Variants in ATP11C observed in about 807,000 individuals in gnomAD.
ATP11C encodes the protein phospholipid-transporting ATPase IG.
In ATP11C, 36 loss-of-function variants were observed where a neutral mutation model predicts 97.4. The observed-to-expected ratio is 0.37, with a 90% CI of 0.28 to 0.49. ATP11C has a LOEUF of 0.49. ATP11C is among the 20% of genes least tolerant of loss of function. The probability of loss-of-function intolerance (pLI) is 0.98; values close to 1 mark genes in which losing one functional copy is unlikely to be tolerated. For missense variants in ATP11C, 730 were observed against 824.6 expected (o/e 0.89, Z 1.40); for synonymous variants, 275 against 290.9 (o/e 0.95, Z 0.56).
At chrX:139,896,449 T>C (rs1231675351) in intron 1 of ATP11C, among the ~76,000 whole-genome samples, 1 of 110,105 alleles carries the variant, frequency 9.1e-6, no homozygotes, top group Non-Finnish European at 1.9e-5. Flanking sequence ...GATGACTAAA[T>C]ATGATGTGGT....
intron 24 of ATP11C, 60 bp downstream of exon 24, chrX:139,749,965 A>G: frequency 9.2e-7 from 1 of 1,084,208 alleles, no homozygotes; most frequent in East Asian, 3.0e-5. Flanking sequence ...CCATCTGCAG[A>G]TAAAATGAAA....
intron 2 of ATP11C, among the ~76,000 whole-genome samples, chrX:139,820,905 C>T (rs989148903): frequency 1.2e-4 from 13 of 110,994 alleles, no homozygotes; most frequent in Non-Finnish European, 2.3e-4. Flanking sequence ...TGACAGTTGG[C>T]CTAAGAGTTC....
At chrX:139,794,314 C>T (rs1245105771) in intron 12 of ATP11C, among the ~76,000 whole-genome samples, 1 of 112,245 alleles carries the variant, frequency 8.9e-6, no homozygotes, top group Non-Finnish European at 1.9e-5. Context: ...TAAAAAGTTA[C>T]ACAGATCTTA....
At chrX:139,765,104 A>G (rs1421170920) in intron 20 of ATP11C, among the ~76,000 whole-genome samples, 1 of 111,279 alleles carries the variant, frequency 9.0e-6, no homozygotes, top group Non-Finnish European at 1.9e-5. Flanking sequence ...CTGTAGAAAG[A>G]TAAAAGGATA....
chrX:139,741,214 A>T lies in ATP11C; in HGVS notation c.3031-120T>A, dbSNP rs1221435335. 1.9e-4 allele frequency: 91 copies of T among 477,128 alleles called. No homozygotes were observed. The South Asian group carries it at 2.4e-3, about 13-fold the overall frequency. 39.3% of individuals were successfully genotyped at this position (477,128 alleles called of 1,213,427 possible). A position where few individuals can be genotyped will look rare whatever the true frequency, so the allele number is the denominator to read the frequency against. ...TGAAAGGATCTAGCTTGGGCCAGGGATCCAGAGAAGAGGGGAACTAAACAG... is the reference window on the plus strand; with the variant it reads ...TGAAAGGATCTAGCTTGGGCCAGGGTTCCAGAGAAGAGGGGAACTAAACAG... On this transcript the variant is annotated intron_variant, in intron 26 of 29. Coordinates refer to ENST00000682941, the MANE Select transcript of ATP11C (RefSeq NM_001353812.2).
intron 1 of ATP11C, among the ~76,000 whole-genome samples, chrX:139,885,813 C>A (rs2084631918): frequency 9.0e-6 from 1 of 110,884 alleles, no homozygotes; most frequent in Admixed American, 9.7e-5. Flanking sequence ...ACAACAGCAA[C>A]AACAACTCAG....
At chrX:139,855,414 G>A (rs2084073349) in intron 1 of ATP11C, among the ~76,000 whole-genome samples, 2 of 111,340 alleles carry the variant, frequency 1.8e-5, no homozygotes, top group South Asian at 3.8e-4. Flanking sequence ...CTCATCAAAG[G>A]GTGAAAAGAA....
At chrX:139,817,509 C>T (rs1394290532) in intron 3 of ATP11C, among the ~76,000 whole-genome samples, 1 of 112,515 alleles carries the variant, frequency 8.9e-6, no homozygotes, top group African/African-American at 3.2e-5. Flanking sequence ...CTGTGCAGGG[C>T]CCTCTAGGCC....
At chrX:139,795,579 T>C (rs1440798986) in intron 12 of ATP11C, among the ~76,000 whole-genome samples, 2 of 111,295 alleles carry the variant, frequency 1.8e-5, no homozygotes, top group Admixed American at 1.9e-4. Flanking sequence ...GATCATTACA[T>C]GACACAGAGT....
At position 139,796,338 on chromosome X, in the gene ATP11C, A is replaced by G. The variant is rs758709585; in HGVS notation, c.1141T>C (p.Tyr381His). 3 of 1,207,235 alleles carry G rather than the reference A, an allele frequency of 2.5e-6. No individual in the cohort carries two copies. Among genetic ancestry groups the G allele is most frequent in the Non-Finnish European group, 3.4e-6 (3 of 892,856 alleles). Residue 381 changes from tyrosine (Y) to histidine (H), a missense_variant, in exon 12 of 30, where the codon TAT (tyrosine) becomes CAT (histidine). Transcript: ENST00000682941. ...GCTCCTTCATTAATTTCTTCATCATAAAAGTCCTTATCCCATGAGATGAAG... is the reference window on the plus strand; with the variant it reads ...GCTCCTTCATTAATTTCTTCATCATGAAAGTCCTTATCCCATGAGATGAAG... The part of the protein sequence containing the change: ...SFFISWDKDF[Y>H]DEEINEGALV...
At chrX:139,904,686 T>G in intron 1 of ATP11C, among the ~76,000 whole-genome samples, 1 of 111,395 alleles carries the variant, frequency 9.0e-6, no homozygotes, top group Non-Finnish European at 1.9e-5. Context: ...GGTCTGACAT[T>G]AGCCTGGGTC....
chrX:139,788,184 T>C lies in ATP11C; in HGVS notation c.1520+8A>G. The C allele has an allele frequency of 8.4e-7, 1 of 1,191,947 alleles. No individual in the cohort carries two copies. The highest frequency in any genetic ancestry group is 1.1e-6 in the Non-Finnish European group (1 of 883,688). On this transcript the variant is annotated splice_region_variant and intron_variant, in intron 14 of 29. Coordinates refer to ENST00000682941, the MANE Select transcript of ATP11C (RefSeq NM_001353812.2). ...TTCTTAGGAGAAGTATAAGAAAGTA[T>C]ACTTTACCTTTTAGCTCCTTTCACC... is the stretch of plus-strand genomic sequence containing the variant.
chrX:139,905,174 T>C lies in ATP11C; in HGVS notation c.27+26842A>G, dbSNP rs866884714. ...AGTGCTTTTTCCAATCTGAATTGAA[T>C]TTTTCCCTATGGCATAGTGTGAGAG... On this transcript the variant is annotated intron_variant, in intron 1 of 29. Transcript: ENST00000682941. 2.4e-4 allele frequency among the ~76,000 whole-genome samples: 27 copies of C among 112,233 alleles called. No homozygotes were observed. In the Middle Eastern group the frequency reaches 0.014, roughly 57 times the overall value.
rs2081725138 is a variant in ATP11C at position 139,747,826 on chromosome X, G to A, written c.2829-1969C>T. On this transcript the variant is annotated intron_variant, in intron 24 of 29. Coordinates refer to ENST00000682941, the MANE Select transcript of ATP11C (RefSeq NM_001353812.2). ...AGAGTAATGAAACTATCTACAGTCT[G>A]GTGACAGGCCAAGAGCAGTGTCTTG... Among the ~76,000 whole-genome samples the A allele has an allele frequency of 2.7e-5, 3 of 111,864 alleles. No individual in the cohort carries two copies. The South Asian group carries it at 1.1e-3, about 42-fold the overall frequency.
rs780497379 is a variant in ATP11C, at chrX:139,741,101, A to C, written c.3031-7T>G. The C allele has an allele frequency of 7.4e-5, 84 of 1,129,703 alleles. No individual in the cohort carries two copies. Among genetic ancestry groups the C allele is most frequent in the Non-Finnish European group, 9.7e-5 (80 of 823,053 alleles). The allele number at this position is 1,129,703 out of a possible 1,213,427, so 93.1% of individuals were successfully genotyped here. On this transcript the variant is annotated splice_polypyrimidine_tract_variant and splice_region_variant and intron_variant, in intron 26 of 29. Coordinates refer to ENST00000682941, the MANE Select transcript of ATP11C (RefSeq NM_001353812.2). ...ATCGGGTATCCAAGGCAAGCTGAAA[A>C]GATACAACACAAAAGATTTCACGAC...
intron 1 of ATP11C, among the ~76,000 whole-genome samples, chrX:139,842,176 C>A (rs1194250742): frequency 8.9e-6 from 1 of 112,451 alleles, no homozygotes; most frequent in East Asian, 2.8e-4. Flanking sequence ...GGACTACAGG[C>A]ACCCGCCACC....
At chrX:139,888,264 G>C (rs111424715) in intron 1 of ATP11C, among the ~76,000 whole-genome samples, 6,283 of 107,557 alleles carry the variant, frequency 0.058, 272 homozygotes, top group Admixed American at 0.18. Context: ...CTCCCGAGTA[G>C]CTGGGATTAC....
intron 26 of ATP11C, among the ~76,000 whole-genome samples, chrX:139,741,601 A>G (rs2081557297): frequency 9.0e-6 from 1 of 111,579 alleles, no homozygotes; most frequent in Admixed American, 9.5e-5. Context: ...ACTAAATGCA[A>G]AGGCTCTATA....
chrX:139,863,840 T>C (rs1269709469), intron 1 of ATP11C, among the ~76,000 whole-genome samples: 3 of 111,487 alleles, frequency 2.7e-5, no homozygotes, highest in East Asian at 5.7e-4. Context: ...GGTGGGTGGA[T>C]TGCTTGAGCC....
Sources: allele counts gnomAD v4.1 joint callset (sites outside exome capture counted in the v4.1 genomes callset), GRCh38; gene constraint gnomAD v4.1.1; transcripts MANE v1.5; gene names NCBI Gene and HGNC (gene_info 2026-07-23, HGNC 2026-07-21).